The following SLC30A8 variants were observed in gnomAD, a reference collection of about 807,000 sequenced individuals.
SLC30A8 encodes the protein solute carrier family 30 member 8.
SLC30A8 carries 27 observed loss-of-function variants against 36.9 expected under a neutral mutation model. That is an observed-to-expected ratio of 0.73 (90% CI 0.54 to 1.01). The LOEUF (loss-of-function observed/expected upper bound fraction) is 1.01, where lower values mean the gene tolerates loss of function less well. Ranked by LOEUF, SLC30A8 falls within the 50% of genes least tolerant of loss-of-function variation. SLC30A8 has a pLI of 0.00. For missense variants in SLC30A8, 439 were observed against 452.0 expected (o/e 0.97, Z 0.26); for synonymous variants, 164 against 172.4 (o/e 0.95, Z 0.38).
chr8:117,059,803 C>T (rs1222144675), intron 2 of SLC30A8, among the ~76,000 whole-genome samples: 2 of 152,054 alleles, frequency 1.3e-5, no homozygotes, highest in Non-Finnish European at 2.9e-5. Context: ...GGGGTGGACA[C>T]GAAGATTGGG....
chr8:117,146,529 T>A (rs1821900725), intron 1 of SLC30A8, among the ~76,000 whole-genome samples: 1 of 152,216 alleles, frequency 6.6e-6, no homozygotes, highest in African/African-American at 2.4e-5. Context: ...ATGATGTTGA[T>A]GTGTATTTGA....
chr8:117,157,723 A>C lies in SLC30A8; in HGVS notation c.451A>C (p.Ile151Leu). 6.2e-7 allele frequency: 1 copy of C among 1,613,764 alleles called. No individual in the cohort carries two copies. Among genetic ancestry groups the C allele is most frequent in the South Asian group, 1.1e-5 (1 of 91,028 alleles). The change falls in exon 4 of 8, where the codon ATC becomes CTC. Residue 151 changes from isoleucine to leucine, a missense_variant. By Grantham distance (5) the Ile-to-Leu change is conservative. Coordinates refer to ENST00000456015, the MANE Select transcript of SLC30A8 (RefSeq NM_173851.3). Reference protein sequence around the residue: ...ILGALLSILCIWVVTGVLVYL... With the variant: ...ILGALLSILCLWVVTGVLVYL... ...TGGTGCCCTGCTCTCCATCCTGTGCATCTGGGTGGTGACTGGCGTGCTAGT... is the reference window on the plus strand; with the variant it reads ...TGGTGCCCTGCTCTCCATCCTGTGCCTCTGGGTGGTGACTGGCGTGCTAGT...
intron 1 of SLC30A8, among the ~76,000 whole-genome samples, chr8:116,985,636 A>G (rs1815418866): frequency 6.6e-6 from 1 of 152,102 alleles, no homozygotes; most frequent in African/African-American, 2.4e-5. Context: ...TACAATTTTG[A>G]TAATATCAAC....
In SLC30A8 at chr8:116,969,612, A is replaced by G. The variant is rs138009297; in HGVS notation, c.-266+18493A>G. ...ATAGGGTGTACTTACACAAACCTAG[A>G]TGGCATAGCCTACCACACACCTAGG... is the stretch of plus-strand genomic sequence containing the variant. On this transcript the variant is annotated intron_variant, in intron 1 of 10. Transcript: ENST00000427715. Among the ~76,000 whole-genome samples the G allele has an allele frequency of 7.2e-3, 1,098 of 152,310 alleles. 10 individuals are homozygous for G. The highest frequency in any genetic ancestry group is 0.025 in the African/African-American group (1,028 of 41,554).
At chr8:117,117,701 T>A (rs2130892197) in intron 2 of SLC30A8, among the ~76,000 whole-genome samples, 1 of 152,100 alleles carries the variant, frequency 6.6e-6, no homozygotes, top group East Asian at 1.9e-4. Flanking sequence ...CTTGCAGTTC[T>A]AGCTCTAGGG....
chr8:117,042,472 T>C (rs1030884076), intron 2 of SLC30A8, among the ~76,000 whole-genome samples: 8 of 152,176 alleles, frequency 5.3e-5, no homozygotes, highest in African/African-American at 1.9e-4. Flanking sequence ...TTTTGCAGAC[T>C]TTCATGTATC....
At chr8:116,960,828 T>C (rs1814390431) in intron 1 of SLC30A8, among the ~76,000 whole-genome samples, 1 of 152,230 alleles carries the variant, frequency 6.6e-6, no homozygotes, top group Non-Finnish European at 1.5e-5. Context: ...TTAACAAGAC[T>C]GTAATATGAG....
chr8:117,135,281 G>T lies in SLC30A8; in HGVS notation c.-47G>T. On this transcript the variant is annotated 5_prime_UTR_variant, in exon 1 of 8. Coordinates refer to ENST00000456015, the MANE Select transcript of SLC30A8 (RefSeq NM_173851.3). ...TGCTTTGCTTCCAAAACTGGGCAGT[G>T]AGTTCAACAACAACGACAACAACAG... The T allele has an allele frequency of 6.9e-7, 1 of 1,451,768 alleles. No individual in the cohort carries two copies. The highest frequency in any genetic ancestry group is 1.3e-5 in the South Asian group (1 of 75,504). 89.9% of individuals were successfully genotyped at this position (1,451,768 alleles called of 1,614,324 possible).
intron 2 of SLC30A8, among the ~76,000 whole-genome samples, chr8:117,053,407 A>C (rs1274384179): frequency 1.3e-5 from 2 of 152,154 alleles, no homozygotes; most frequent in African/African-American, 4.8e-5. Context: ...ACTTGGGTTC[A>C]AGTTTTCTCT....
chr8:117,046,114 G>A (rs1817542138), intron 2 of SLC30A8, among the ~76,000 whole-genome samples: 1 of 152,120 alleles, frequency 6.6e-6, no homozygotes, highest in African/African-American at 2.4e-5. Flanking sequence ...AGGATCAGAG[G>A]GAGAGGTTGT....
In SLC30A8 at chr8:117,157,859, G is replaced by A; in HGVS notation, c.572+15G>A. 1 of 1,613,478 alleles carries A rather than the reference G, an allele frequency of 6.2e-7. No individual in the cohort carries two copies. The highest frequency in any genetic ancestry group is 8.5e-7 in the Non-Finnish European group (1 of 1,179,742). On this transcript the variant is annotated intron_variant, in intron 4 of 7. Transcript: ENST00000456015. The stretch of plus-strand genomic sequence containing the variant: ...GCCAACATTGTGTAAGTCATCCCCT[G>A]GTCCCCACACACTGCTCATGAGGCT...
At chr8:117,085,036 A>G (rs1818819230) in intron 2 of SLC30A8, among the ~76,000 whole-genome samples, 1 of 152,114 alleles carries the variant, frequency 6.6e-6, no homozygotes, top group South Asian at 2.1e-4. Context: ...AGGTTCAAGG[A>G]ATTGATTCTG....
intron 1 of SLC30A8, among the ~76,000 whole-genome samples, chr8:116,999,533 T>C (rs915179227): frequency 6.6e-6 from 1 of 152,174 alleles, no homozygotes; most frequent in Non-Finnish European, 1.5e-5. Flanking sequence ...AAAATGACAC[T>C]GCAACCATGA....
Position 117,172,861 on chromosome 8 carries a change from A to G in SLC30A8, c.*180A>G, listed in dbSNP as rs1001070849. 1.6e-5 allele frequency: 11 copies of G among 675,014 alleles called. No homozygotes were observed. The highest frequency in any genetic ancestry group is 2.9e-5 in the Admixed American group (1 of 35,042). 41.8% of individuals were successfully genotyped at this position (675,014 alleles called of 1,614,324 possible). A position where few individuals can be genotyped will look rare whatever the true frequency, so the allele number is the denominator to read the frequency against. ...AAGGAAGAGGCACTGAGATCCATCA[A>G]TCAATTGGATTATATACTGATCAGT... On this transcript the variant is annotated 3_prime_UTR_variant, in exon 8 of 8. Transcript: ENST00000456015.
chr8:117,080,188 T>A (rs907211734), intron 2 of SLC30A8, among the ~76,000 whole-genome samples: 1 of 152,196 alleles, frequency 6.6e-6, no homozygotes, highest in Admixed American at 6.5e-5. Context: ...ACTCTTGTTT[T>A]ACAAATAATC....
chr8:117,174,253 A>C lies in SLC30A8; in HGVS notation c.*1572A>C, dbSNP rs941117629. 6.6e-5 allele frequency: 10 copies of C among 151,968 alleles called. No homozygotes were observed. Among genetic ancestry groups the C allele is most frequent in the Admixed American group, 5.9e-4 (9 of 15,258 alleles). The allele number at this position is 151,968 out of a possible 1,614,324, so 9.4% of individuals were successfully genotyped here. ...GGCATTAATAATTGTTGAGGCAATG[A>C]CTCTGAGGCTATATCTGGGCCTTGT... is the stretch of plus-strand genomic sequence containing the variant. On this transcript the variant is annotated 3_prime_UTR_variant, in exon 8 of 8. Transcript: ENST00000456015.
intron 2 of SLC30A8, among the ~76,000 whole-genome samples, chr8:117,093,906 T>C (rs1819245811): frequency 6.6e-6 from 1 of 152,234 alleles, no homozygotes; most frequent in Non-Finnish European, 1.5e-5. Flanking sequence ...GTCCAGCCAC[T>C]GTGCACAGGC....
At chr8:117,078,303 T>C (rs550378028) in intron 2 of SLC30A8, among the ~76,000 whole-genome samples, 32 of 152,298 alleles carry the variant, frequency 2.1e-4, no homozygotes, top group African/African-American at 7.7e-4. Context: ...ATTCTAGTCC[T>C]ACTGCTTGCT....
chr8:117,130,827 GA>G (rs887088921), upstream of SLC30A8, among the ~76,000 whole-genome samples: 2 of 151,856 alleles, frequency 1.3e-5, no homozygotes, highest in African/African-American at 4.8e-5. Flanking sequence ...CAAGTGCTTG[GA>G]AAAAGAAGTG....
Sources: allele counts gnomAD v4.1 joint callset (sites outside exome capture counted in the v4.1 genomes callset), GRCh38; gene constraint gnomAD v4.1.1; transcripts MANE v1.5; gene names NCBI Gene and HGNC (gene_info 2026-07-23, HGNC 2026-07-21).